The following FN1 variants were observed in gnomAD, a reference collection of about 807,000 sequenced individuals.
FN1 encodes fibronectin 1, also known as fibronectin.
A neutral mutation model predicts 297.3 loss-of-function variants in FN1; 106 were observed. That is an observed-to-expected ratio of 0.36 (90% CI 0.30 to 0.42). The LOEUF is 0.42. Among genes scored for constraint, FN1 ranks in the 10% least tolerant of loss-of-function variants. The pLI is 1.00. For missense variants in FN1, 2,690 were observed against 3,124.9 expected (o/e 0.86, Z 3.32); for synonymous variants, 1,149 against 1,152.6 (o/e 1.00, Z 0.06).
chr2:215,401,230 G>A (rs948164648), intron 20 of FN1, among the ~76,000 whole-genome samples: 6 of 55,974 alleles, frequency 1.1e-4, no homozygotes, highest in African/African-American at 4.6e-4. Flanking sequence ...AAGAAAGAAA[G>A]AAAGAAAGAA....
chr2:215,381,097 T>C lies in FN1; in HGVS notation c.5165-17A>G, dbSNP rs566845894. On this transcript the variant is annotated splice_polypyrimidine_tract_variant and intron_variant, in intron 32 of 45. Transcript: ENST00000354785. ...GATCAATGTCTGTTAGGCAAATTAA[T>C]GGTAAGAGGTTATGTGAAAAGCAAG... is the stretch of plus-strand genomic sequence containing the variant. The C allele has an allele frequency of 4.2e-5, 68 of 1,613,540 alleles. No homozygotes were observed. The South Asian group carries it at 7.2e-4, about 17-fold the overall frequency.
chr2:215,370,521 T>C (rs1203014279), intron 40 of FN1, 89 bp from the exon 41 acceptor site: 5 of 914,800 alleles, frequency 5.5e-6, no homozygotes, highest in Non-Finnish European at 8.1e-6. Flanking sequence ...CCTCACTGTT[T>C]AAACAAAGCA....
intron 25 of FN1, chr2:215,392,565 A>G: frequency 3.2e-6 from 1 of 308,698 alleles, no homozygotes; most frequent in Non-Finnish European, 6.3e-6. Flanking sequence ...TTTTGGTGAT[A>G]TATTTCTTAT....
In FN1 at chr2:215,431,836, T is replaced by C. The variant is rs113031579; in HGVS notation, c.544A>G (p.Ile182Val). The C allele has an allele frequency of 1.9e-6, 3 of 1,614,066 alleles. No individual in the cohort carries two copies. The highest frequency in any genetic ancestry group is 1.6e-4 in the Middle Eastern group (1 of 6,084). The change falls in exon 4 of 46, where the codon ATA becomes GTA. Residue 182 changes from isoleucine to valine, a missense_variant. Physicochemically the swap from Ile to Val is conservative, Grantham distance 29. Transcript: ENST00000354785. ...NGKGEWTCKP[I>V]AEKCFDHAAG... Reference sequence around the variant, plus strand: ...CTCAGCCCTAAGACTCACACACCTATGGGCTTGCAGGTCCATTCTCCTTTT... The same window carrying C: ...CTCAGCCCTAAGACTCACACACCTACGGGCTTGCAGGTCCATTCTCCTTTT...
intron 10 of FN1, 97 bp from the exon 11 acceptor site, chr2:215,420,898 T>A: frequency 1.8e-6 from 2 of 1,093,016 alleles, no homozygotes; most frequent in Non-Finnish European, 2.8e-6. Context: ...TACTTCCACT[T>A]AATTATCAAC....
rs1175226865 is a variant in FN1 at position 215,400,751 on chromosome 2, CAAAAAAAAAAAAA to C, written c.3254-1413_3254-1401del. On this transcript the variant is annotated intron_variant, in intron 20 of 45. Coordinates refer to ENST00000354785, the MANE Select transcript of FN1 (RefSeq NM_212482.4). ...AGGGTGAGAGAGCAAGGCTCCATCT[CAAAAAAAAAAAAA>C]AAAAAAAAAAAGAAAGAAAATAAAA... Among the ~76,000 whole-genome samples the C allele has an allele frequency of 1.2e-4, 7 of 56,220 alleles. No homozygotes were observed. In the South Asian group the frequency reaches 3.4e-3, roughly 28 times the overall value. The allele number at this position is 56,220 out of a possible 152,430, so 36.9% of individuals were successfully genotyped here.
intron 19 of FN1, among the ~76,000 whole-genome samples, chr2:215,405,798 CA>C (rs1241890007): frequency 6.6e-6 from 1 of 151,986 alleles, no homozygotes; most frequent in African/African-American, 2.4e-5. Flanking sequence ...AAGGTCAAAA[CA>C]AAGAGTAAAT....
chr2:215,373,799 C>T (rs1472843627), intron 38 of FN1, among the ~76,000 whole-genome samples: 1 of 151,600 alleles, frequency 6.6e-6, no homozygotes, highest in African/African-American at 2.4e-5. Context: ...CTGCCTCAGC[C>T]ACCCGAGTAG....
rs1308078065 is a variant in FN1 at position 215,384,922 on chromosome 2, A to G, written c.4667T>C (p.Leu1556Pro). The G allele has an allele frequency of 6.2e-7, 1 of 1,614,058 alleles. No homozygotes were observed. Among genetic ancestry groups the G allele is most frequent in the South Asian group, 1.1e-5 (1 of 91,080 alleles). The change falls in exon 29 of 46, where the codon CTG becomes CCG. Residue 1556 changes from leucine to proline, a missense_variant. By Grantham distance (98) the Leu-to-Pro change is moderately conservative (BLOSUM62 -3). This residue lies in a region of FN1 where 1,743 missense variants were observed against 1,945.2 expected (regional missense o/e 0.90). Coordinates refer to ENST00000354785, the MANE Select transcript of FN1 (RefSeq NM_212482.4). ...GACAGCAGGAGCATCCCAGCTGATC[A>G]GTAGGCTGGTGGGGGTCGCAGCAAC... Reference protein sequence around the residue: ...EVVAATPTSLLISWDAPAVTV... With the variant: ...EVVAATPTSLPISWDAPAVTV...
In FN1 at chr2:215,426,945, G is replaced by A. The variant is rs187790312; in HGVS notation, c.844+1235C>T. ...GGCTGGAGTGCAGTGGTGCGATCTCGGGTCACTGCAAACTCCACCTCCCGG... is the reference window on the plus strand; with the variant it reads ...GGCTGGAGTGCAGTGGTGCGATCTCAGGTCACTGCAAACTCCACCTCCCGG... On this transcript the variant is annotated intron_variant, in intron 6 of 45. Transcript: ENST00000354785. Among the ~76,000 whole-genome samples, 1,201 of 151,672 alleles carry A rather than the reference G, an allele frequency of 7.9e-3. 14 individuals are homozygous for A. The highest frequency in any genetic ancestry group is 0.027 in the African/African-American group (1,103 of 41,330).
intron 29 of FN1, 85 bp from the exon 30 acceptor site, chr2:215,384,269 C>T (rs1051182632): frequency 4.6e-6 from 6 of 1,304,474 alleles, no homozygotes; most frequent in Non-Finnish European, 6.7e-6. Context: ...ACATTTATAG[C>T]AGCATGTAAA....
chr2:215,380,712 C>T, intron 33 of FN1, 99 bp downstream of exon 33: 2 of 1,353,744 alleles, frequency 1.5e-6, no homozygotes, highest in Non-Finnish European at 2.1e-6. Context: ...TCTTTTTCAC[C>T]CTTACACGGG....
intron 5 of FN1, 23 bp downstream of exon 5, chr2:215,430,692 T>C: frequency 1.2e-6 from 2 of 1,613,488 alleles, no homozygotes; most frequent in Non-Finnish European, 1.7e-6. Flanking sequence ...GCTTAATCTT[T>C]AACATAAAGA....
intron 37 of FN1, 33 bp from the exon 38 acceptor site, chr2:215,375,426 G>C: frequency 6.3e-7 from 1 of 1,597,404 alleles, no homozygotes; most frequent in Non-Finnish European, 8.6e-7. Context: ...CTCTAAGAAG[G>C]CAAATAACCA....
chr2:215,372,425 GA>G, intron 39 of FN1, 50 bp from the exon 40 acceptor site: 2 of 1,328,966 alleles, frequency 1.5e-6, no homozygotes, highest in Non-Finnish European at 1.1e-6. Context: ...TAAGCTCCAG[GA>G]AGTAGCAGCA....
intron 19 of FN1, 73 bp from the exon 20 acceptor site, chr2:215,404,728 A>ACATTCAATCAAGT: frequency 7.3e-7 from 1 of 1,368,236 alleles, no homozygotes; most frequent in Non-Finnish European, 1.0e-6. Context: ...CTGAAACTTG[A>ACATTCAATCAAGT]TTGAATGTCT....
intron 27 of FN1, 89 bp from the exon 28 acceptor site, chr2:215,387,047 G>T: frequency 8.3e-7 from 1 of 1,198,468 alleles, no homozygotes; most frequent in Non-Finnish European, 1.2e-6. Context: ...GGAAATTAAC[G>T]TACATCCAAC....
rs1486737657 is a variant in FN1, at chr2:215,376,509, T to A, written c.5876A>T (p.Tyr1959Phe). ...QRTIKPDVRS[Y>F]TITGLQPGTD... ...ATGAGTTCCCTGACCTGTGATGGTGTAGCTTCTGACATCTGGCTTGATGGT... is the reference window on the plus strand; with the variant it reads ...ATGAGTTCCCTGACCTGTGATGGTGAAGCTTCTGACATCTGGCTTGATGGT... The change falls in exon 36 of 46, where the codon TAC (tyrosine) becomes TTC (phenylalanine). Residue 1959 changes from tyrosine (Y) to phenylalanine (F), a missense_variant. Tyr to Phe is a conservative substitution (Grantham distance 22, BLOSUM62 3). Coordinates refer to ENST00000354785, the MANE Select transcript of FN1 (RefSeq NM_212482.4). The A allele has an allele frequency of 3.1e-6, 5 of 1,614,068 alleles. No homozygotes were observed. Among genetic ancestry groups the A allele is most frequent in the Non-Finnish European group, 4.2e-6 (5 of 1,180,010 alleles).
At chr2:215,392,166 C>A (rs553387744) in intron 25 of FN1, 7 of 274,776 alleles carry the variant, frequency 2.5e-5, no homozygotes, top group Non-Finnish European at 4.9e-5. Context: ...AGAAACATAG[C>A]AGTACTTTAC....
Sources: gnomAD v4.1 joint callset for allele counts (sites outside exome capture counted in the v4.1 genomes callset) on GRCh38, gnomAD v4.1.1 for gene constraint, gnomAD v4.1.1 regional missense constraint, MANE v1.5 for transcripts, NCBI Gene and HGNC (gene_info 2026-07-23, HGNC 2026-07-21) for gene names.